Variants in CSMD1 observed in about 807,000 individuals in gnomAD.
CSMD1 encodes the protein CUB and sushi domain-containing protein 1.
In CSMD1, 213 loss-of-function variants were observed where a neutral mutation model predicts 417.5. The ratio of observed to expected loss-of-function variants is 0.51; its 90% confidence interval spans 0.46 to 0.57. The LOEUF is 0.57. Among genes scored for constraint, CSMD1 ranks in the 20% least tolerant of loss-of-function variants. CSMD1 has a pLI of 0.00. For synonymous variants in CSMD1, 2,862 were observed against 1,736.8 expected (o/e 1.65, Z -16.11); for missense variants, 6,923 against 4,529.7 (o/e 1.53, Z -15.17).
At chr8:4,917,603 C>A (rs1253201662) in intron 1 of CSMD1, among the ~76,000 whole-genome samples, 1 of 152,244 alleles carries the variant, frequency 6.6e-6, no homozygotes, top group Non-Finnish European at 1.5e-5. Context: ...CACTGCACTC[C>A]AGCCTGGGCG....
At chr8:4,575,178 C>G (rs1336868154) in intron 2 of CSMD1, among the ~76,000 whole-genome samples, 3 of 152,204 alleles carry the variant, frequency 2.0e-5, no homozygotes, top group Admixed American at 1.3e-4. Flanking sequence ...AGAACTGTAT[C>G]TTATCACTTG....
chr8:3,460,959 G>A (rs1202738013), intron 12 of CSMD1, among the ~76,000 whole-genome samples: 1 of 152,136 alleles, frequency 6.6e-6, no homozygotes. Context: ...GATGTGGAGG[G>A]CAGTAACAAT....
chr8:4,709,774 G>A (rs1257388500), intron 1 of CSMD1, among the ~76,000 whole-genome samples: 1 of 152,166 alleles, frequency 6.6e-6, no homozygotes, highest in Non-Finnish European at 1.5e-5. Flanking sequence ...ATGGCTCCCA[G>A]GGAGAAGTCA....
At chr8:4,315,114 C>G (rs1798846872) in intron 3 of CSMD1, among the ~76,000 whole-genome samples, 1 of 152,140 alleles carries the variant, frequency 6.6e-6, no homozygotes, top group Admixed American at 6.5e-5. Flanking sequence ...GCTTCTTACA[C>G]CATCGCAAGA....
intron 3 of CSMD1, among the ~76,000 whole-genome samples, chr8:4,231,364 A>G (rs7822178): frequency 0.44 from 66,587 of 151,922 alleles, 15,299 homozygotes; most frequent in East Asian, 0.7. Flanking sequence ...TTGCTGGATA[A>G]TTTTCCTCCT....
chr8:4,852,552 G>A (rs1054728443), intron 1 of CSMD1, among the ~76,000 whole-genome samples: 4 of 152,084 alleles, frequency 2.6e-5, no homozygotes, highest in African/African-American at 9.7e-5. Context: ...TTTCTACATG[G>A]AAATTCAAAA....
intron 1 of CSMD1, among the ~76,000 whole-genome samples, chr8:4,763,695 GA>G (rs1812267317): frequency 6.6e-6 from 1 of 152,162 alleles, no homozygotes. Flanking sequence ...AGTTTTGATT[GA>G]AGTATATTAT....
At chr8:3,308,279 T>G in intron 24 of CSMD1, 33 bp downstream of exon 24, 2 of 1,564,444 alleles carry the variant, frequency 1.3e-6, no homozygotes. Flanking sequence ...AGGCCTGGCT[T>G]TTGCACAATG....
intron 2 of CSMD1, among the ~76,000 whole-genome samples, chr8:4,575,750 C>G (rs976305353): frequency 2.0e-5 from 3 of 152,192 alleles, no homozygotes; most frequent in Non-Finnish European, 2.9e-5. Context: ...ATTTTCTTCT[C>G]TCATACTCCA....
intron 2 of CSMD1, among the ~76,000 whole-genome samples, chr8:4,519,736 T>G (rs1803327277): frequency 1.7e-5 from 1 of 60,146 alleles, no homozygotes; most frequent in Admixed American, 2.6e-4. Context: ...GAGTCAGACT[T>G]CATCTCAAAA....
intron 9 of CSMD1, among the ~76,000 whole-genome samples, chr8:3,579,095 T>G (rs60987537): frequency 6.6e-6 from 1 of 152,236 alleles, no homozygotes; most frequent in Non-Finnish European, 1.5e-5. Context: ...TGATGTTACT[T>G]GCTTGGCAGT....
At chr8:3,837,044 T>C (rs868326955) in intron 5 of CSMD1, among the ~76,000 whole-genome samples, 135 of 152,076 alleles carry the variant, frequency 8.9e-4, no homozygotes, top group African/African-American at 2.6e-3. Flanking sequence ...GCTGGGTCAA[T>C]TGATGCCCAT....
intron 5 of CSMD1, among the ~76,000 whole-genome samples, chr8:3,766,492 G>A (rs891531506): frequency 6.6e-6 from 1 of 152,022 alleles, no homozygotes; most frequent in African/African-American, 2.4e-5. Context: ...AAACAAACAG[G>A]GAGACACCCT....
In CSMD1 at chr8:4,963,696, C is replaced by T. The variant is rs1809668356; in HGVS notation, c.85+30636G>A. ...AATTCCTCTGTGTAGACACAGGTGT[C>T]TAAAAGCTCTTCTTTGACCATACAA... On this transcript the variant is annotated intron_variant, in intron 1 of 69. Coordinates refer to ENST00000635120, the MANE Select transcript of CSMD1 (RefSeq NM_033225.6). Among the ~76,000 whole-genome samples, 4 of 152,020 alleles carry T rather than the reference C, an allele frequency of 2.6e-5. No individual in the cohort carries two copies. The South Asian group carries it at 8.3e-4, about 31-fold the overall frequency.
chr8:3,069,981 G>A (rs895816387), intron 49 of CSMD1, among the ~76,000 whole-genome samples: 1 of 152,224 alleles, frequency 6.6e-6, no homozygotes, highest in Non-Finnish European at 1.5e-5. Context: ...AAGCTGTCAA[G>A]GTGTATGGCT....
At chr8:4,305,880 A>T (rs1314303778) in intron 3 of CSMD1, among the ~76,000 whole-genome samples, 1 of 152,126 alleles carries the variant, frequency 6.6e-6, no homozygotes, top group Admixed American at 6.6e-5. Flanking sequence ...TTACGTGTGT[A>T]TATGCAATTG....
intron 1 of CSMD1, among the ~76,000 whole-genome samples, chr8:4,889,869 A>G (rs988300598): frequency 1.3e-5 from 2 of 152,138 alleles, no homozygotes; most frequent in Non-Finnish European, 2.9e-5. Context: ...TGATGATGAA[A>G]CAGAGAATCA....
intron 23 of CSMD1, among the ~76,000 whole-genome samples, chr8:3,309,182 A>C (rs1805129423): frequency 6.6e-6 from 1 of 152,086 alleles, no homozygotes; most frequent in Non-Finnish European, 1.5e-5. Flanking sequence ...CTAGACCTCC[A>C]AGGAAGAGGG....
chr8:4,597,456 G>C (rs1029298364), intron 2 of CSMD1, among the ~76,000 whole-genome samples: 8 of 152,002 alleles, frequency 5.3e-5, no homozygotes, highest in Non-Finnish European at 1.2e-4. Flanking sequence ...CGAATGCTTT[G>C]AATTGAGTTT....
Sources: allele counts gnomAD v4.1 joint callset (sites outside exome capture counted in the v4.1 genomes callset), GRCh38; gene constraint gnomAD v4.1.1; transcripts MANE v1.5; gene names NCBI Gene and HGNC (gene_info 2026-07-23, HGNC 2026-07-21).